The following LSAMP variants were observed in gnomAD, a reference collection of about 807,000 sequenced individuals.
The protein encoded by LSAMP is limbic system associated membrane protein.
A neutral mutation model predicts 38.6 loss-of-function variants in LSAMP; 7 were observed. That is an observed-to-expected ratio of 0.18 (90% CI 0.10 to 0.34). The LOEUF (loss-of-function observed/expected upper bound fraction) is 0.34, where lower values mean the gene tolerates loss of function less well. Ranked by LOEUF, LSAMP falls within the 10% of genes least tolerant of loss-of-function variation. The pLI, the probability that LSAMP is intolerant of heterozygous loss-of-function variation, is 1.00. For synonymous variants in LSAMP, 154 were observed against 166.8 expected, an observed-to-expected ratio of 0.92 and a Z score of 0.59; for missense variants, 313 against 420.0, an observed-to-expected ratio of 0.75 and a Z score of 2.23.
intron 1 of LSAMP, among the ~76,000 whole-genome samples, chr3:116,258,944 C>A (rs541687478): frequency 6.6e-6 from 1 of 152,058 alleles, no homozygotes; most frequent in African/African-American, 2.4e-5. Context: ...ATTAAAAATA[C>A]GTTTTAAAGA....
At chr3:116,231,571 G>A (rs781165074) in intron 1 of LSAMP, among the ~76,000 whole-genome samples, 17 of 152,162 alleles carry the variant, frequency 1.1e-4, no homozygotes, top group East Asian at 1.9e-4. Flanking sequence ...AGTGAAAAAC[G>A]TAACCCTTGT....
intron 1 of LSAMP, among the ~76,000 whole-genome samples, chr3:116,134,057 C>T (rs546256044): frequency 7.3e-4 from 111 of 152,120 alleles, no homozygotes; most frequent in African/African-American, 2.5e-3. Flanking sequence ...CTGAACAGGC[C>T]ACAGCATTAC....
At chr3:116,064,272 T>C (rs1477055579) in intron 2 of LSAMP, among the ~76,000 whole-genome samples, 3 of 152,186 alleles carry the variant, frequency 2.0e-5, no homozygotes, top group Admixed American at 1.3e-4. Context: ...ACGCCTGTAA[T>C]CCCAACATTT....
intron 4 of LSAMP, among the ~76,000 whole-genome samples, chr3:115,843,184 T>A (rs1286244044): frequency 1.3e-5 from 2 of 152,236 alleles, no homozygotes; most frequent in African/African-American, 2.4e-5. Flanking sequence ...TTAGCTTTTA[T>A]GTGTGGGGGT....
chr3:116,171,885 C>G (rs976237887), intron 1 of LSAMP, among the ~76,000 whole-genome samples: 2 of 151,892 alleles, frequency 1.3e-5, no homozygotes, highest in Admixed American at 6.6e-5. Flanking sequence ...ATTGTGGTTC[C>G]TCAAAAAATG....
intron 1 of LSAMP, among the ~76,000 whole-genome samples, chr3:116,348,578 C>A (rs1435685220): frequency 1.3e-5 from 2 of 152,114 alleles, no homozygotes; most frequent in Non-Finnish European, 2.9e-5. Flanking sequence ...TGTGTAATCA[C>A]CAGAAATTAG....
intron 3 of LSAMP, among the ~76,000 whole-genome samples, chr3:115,995,859 T>C (rs151051804): frequency 0.014 from 2,190 of 152,058 alleles, 29 homozygotes; most frequent in Non-Finnish European, 0.024. Context: ...TATATTAATA[T>C]TTTCCTGAGT....
intron 2 of LSAMP, among the ~76,000 whole-genome samples, chr3:116,050,425 A>G (rs1430178126): frequency 1.3e-5 from 2 of 152,036 alleles, no homozygotes; most frequent in Non-Finnish European, 2.9e-5. Context: ...ACATTATCCA[A>G]TTTAAGTTTG....
chr3:116,209,805 G>A (rs964921652), intron 1 of LSAMP, among the ~76,000 whole-genome samples: 2 of 151,934 alleles, frequency 1.3e-5, no homozygotes, highest in South Asian at 2.1e-4. Flanking sequence ...AGGCTGGAGC[G>A]CAGTGGCACG....
chr3:115,941,506 A>T (rs543440517), intron 3 of LSAMP, among the ~76,000 whole-genome samples: 167 of 152,262 alleles, frequency 1.1e-3, no homozygotes, highest in African/African-American at 4.0e-3. Flanking sequence ...AATCACCAAC[A>T]TATGGAAACA....
chr3:115,981,526 T>C (rs1355761961), intron 3 of LSAMP, among the ~76,000 whole-genome samples: 1 of 152,202 alleles, frequency 6.6e-6, no homozygotes, highest in Non-Finnish European at 1.5e-5. Flanking sequence ...TATTTTATAA[T>C]CATATTACAT....
intron 1 of LSAMP, among the ~76,000 whole-genome samples, chr3:116,166,883 T>C (rs1354461829): frequency 4.8e-5 from 7 of 146,584 alleles, no homozygotes; most frequent in East Asian, 4.2e-4. Flanking sequence ...CTGCACCTCC[T>C]GGGTTCACGC....
intron 3 of LSAMP, among the ~76,000 whole-genome samples, chr3:115,937,828 T>C (rs923047551): frequency 6.6e-6 from 1 of 151,378 alleles, no homozygotes; most frequent in African/African-American, 2.4e-5. Context: ...TAATCCTGTA[T>C]GGCCAGCTAC....
At chr3:116,012,463 T>A (rs977852265) in intron 3 of LSAMP, among the ~76,000 whole-genome samples, 1 of 152,182 alleles carries the variant, frequency 6.6e-6, no homozygotes, top group Admixed American at 6.6e-5. Flanking sequence ...AAATATTTAC[T>A]GTTATATAAC....
chr3:116,246,753 G>A (rs528976474), intron 1 of LSAMP, among the ~76,000 whole-genome samples: 1 of 152,282 alleles, frequency 6.6e-6, no homozygotes, highest in East Asian at 1.9e-4. Flanking sequence ...GTGAGGGAAG[G>A]GAGAAGCAGT....
At chr3:116,160,286 C>A (rs1351131722) in intron 1 of LSAMP, among the ~76,000 whole-genome samples, 1 of 152,014 alleles carries the variant, frequency 6.6e-6, no homozygotes, top group East Asian at 1.9e-4. Context: ...GTAATCCCAG[C>A]TACTTGGGAG....
At chr3:116,181,531 T>A (rs148603411) in intron 1 of LSAMP, among the ~76,000 whole-genome samples, 2,466 of 152,146 alleles carry the variant, frequency 0.016, 35 homozygotes, top group Middle Eastern at 0.027. Flanking sequence ...ACCTATTTCC[T>A]AAGGAGGCAC....
rs535751496 is a variant in LSAMP at position 115,859,168 on chromosome 3, G to A, written c.515-6551C>T. ...GAGAGACCCCTTAGTGTTTGACAAT[G>A]TTGCTGTCCAAAGGCTGAAACCACT... is the stretch of plus-strand genomic sequence containing the variant. On this transcript the variant is annotated intron_variant, in intron 3 of 6. Transcript: ENST00000490035. 2.0e-5 allele frequency among the ~76,000 whole-genome samples: 3 copies of A among 152,258 alleles called. No individual in the cohort carries two copies. The East Asian group carries it at 5.8e-4, about 29-fold the overall frequency.
At chr3:116,388,561 G>T (rs995558867) in intron 1 of LSAMP, among the ~76,000 whole-genome samples, 1 of 152,158 alleles carries the variant, frequency 6.6e-6, no homozygotes, top group African/African-American at 2.4e-5. Context: ...TGAGGAAGAA[G>T]AGGCAGATAG....
Sources: allele counts gnomAD v4.1 joint callset (sites outside exome capture counted in the v4.1 genomes callset), GRCh38; gene constraint gnomAD v4.1.1; transcripts MANE v1.5; gene names NCBI Gene and HGNC (gene_info 2026-07-23, HGNC 2026-07-21).